TRPM8: variants seen among roughly 807,000 people sequenced by gnomAD.
TRPM8 encodes transient receptor potential cation channel subfamily M member 8.
In TRPM8, 110 loss-of-function variants were observed where a neutral mutation model predicts 133.7. The observed-to-expected ratio is 0.82, with a 90% confidence interval of 0.70 to 0.96. The LOEUF (loss-of-function observed/expected upper bound fraction) is 0.96. Among genes scored for constraint, TRPM8 ranks in the 40% least tolerant of loss-of-function variants. TRPM8 has a pLI of 0.00. For synonymous variants in TRPM8, 535 were observed against 532.3 expected, an observed-to-expected ratio of 1.01 and a Z score of -0.07; for missense variants, 1,291 against 1,379.5, an observed-to-expected ratio of 0.94 and a Z score of 1.02.
At chr2:233,982,934 G>T (rs1195220089) in intron 19 of TRPM8, 119 bp from the exon 20 acceptor site, 4 of 1,091,632 alleles carry the variant, frequency 3.7e-6, no homozygotes, top group African/African-American at 1.6e-5. Context: ...GGGTGACTTA[G>T]ATGCTCTGAG....
intron 24 of TRPM8, among the ~76,000 whole-genome samples, chr2:234,012,606 C>A (rs900595189): frequency 2.4e-4 from 36 of 151,644 alleles, no homozygotes; most frequent in African/African-American, 8.5e-4. Flanking sequence ...TTCTTTTTTT[C>A]TTGTCTGATT....
intron 12 of TRPM8, among the ~76,000 whole-genome samples, chr2:233,961,546 T>C (rs1691438375): frequency 6.6e-6 from 1 of 151,890 alleles, no homozygotes; most frequent in Non-Finnish European, 1.5e-5. Context: ...CCGCGTGATC[T>C]GTCCACCTCG....
At chr2:234,013,948 T>C (rs1289398095) in intron 24 of TRPM8, among the ~76,000 whole-genome samples, 1 of 152,158 alleles carries the variant, frequency 6.6e-6, no homozygotes, top group Non-Finnish European at 1.5e-5. Context: ...ATAAAGCAAA[T>C]TAGAAACCAA....
rs542881906 is a variant in TRPM8, at chr2:233,940,920, G to C, written c.527-1656G>C. On this transcript the variant is annotated intron_variant, in intron 5 of 25. Transcript: ENST00000324695. Reference sequence around the variant, plus strand: ...GAAGTGGAGAAGGAATGAGGTAATTGGTGGTTTTTGCAGGTGTAGTCAGGG... The same window carrying C: ...GAAGTGGAGAAGGAATGAGGTAATTCGTGGTTTTTGCAGGTGTAGTCAGGG... 2.6e-5 allele frequency among the ~76,000 whole-genome samples: 4 copies of C among 152,172 alleles called. No individual in the cohort carries two copies. In the East Asian group the frequency reaches 5.8e-4, roughly 22 times the overall value.
intron 9 of TRPM8, among the ~76,000 whole-genome samples, chr2:233,953,115 A>G (rs1271507189): frequency 6.6e-6 from 1 of 152,156 alleles, no homozygotes; most frequent in African/African-American, 2.4e-5. Context: ...TAAGACCTCC[A>G]TCACCACCTT....
At chr2:233,923,639 C>G (rs756999387) in intron 1 of TRPM8, among the ~76,000 whole-genome samples, 10 of 152,210 alleles carry the variant, frequency 6.6e-5, no homozygotes, top group Non-Finnish European at 1.2e-4. Flanking sequence ...CTTTGCCACA[C>G]TTGATTAGGG....
At chr2:233,976,386 C>A (rs11685673) in intron 17 of TRPM8, among the ~76,000 whole-genome samples, 27,906 of 152,096 alleles carry the variant, frequency 0.18, 3,120 homozygotes, top group Non-Finnish European at 0.25. Flanking sequence ...AGGAGAGGTA[C>A]ATTTTCCTTG....
intron 22 of TRPM8, among the ~76,000 whole-genome samples, chr2:233,997,446 G>A (rs1401890931): frequency 6.6e-6 from 1 of 152,150 alleles, no homozygotes; most frequent in East Asian, 1.9e-4. Flanking sequence ...CCAGCTGTGG[G>A]GACTGACCCT....
In TRPM8 at chr2:233,955,154, C is replaced by A. The variant is rs200879817; in HGVS notation, c.1266C>A (p.Asp422Glu). Residue 422 changes from aspartate to glutamate, a missense_variant, in exon 11 of 26, where the codon GAC becomes GAA. Asp to Glu is a conservative substitution (Grantham distance 45, BLOSUM62 2). This residue lies in a region of TRPM8 where 963 missense variants were observed against 968.9 expected (regional missense o/e 0.99). Coordinates refer to ENST00000324695, the MANE Select transcript of TRPM8 (RefSeq NM_024080.5). Reference protein sequence around the residue: ...LYKAFSTSEQDKDNWNGQLKL... With the variant: ...LYKAFSTSEQEKDNWNGQLKL... ...CAGCCTTCAGCACCAGTGAGCAAGA[C>A]AAGGATAACTGGAATGGGCAGCTGA... The A allele has an allele frequency of 1.2e-6, 2 of 1,614,052 alleles. No homozygotes were observed. Among genetic ancestry groups the A allele is most frequent in the Non-Finnish European group, 1.7e-6 (2 of 1,179,924 alleles).
chr2:233,932,241 T>A (rs1199353318), intron 3 of TRPM8, among the ~76,000 whole-genome samples: 2 of 152,232 alleles, frequency 1.3e-5, no homozygotes, highest in Middle Eastern at 3.2e-3. Context: ...CACCTGTTGT[T>A]CCTGCCCTTC....
chr2:233,921,053 G>T (rs569863039), intron 1 of TRPM8, among the ~76,000 whole-genome samples: 129 of 151,878 alleles, frequency 8.5e-4, no homozygotes, highest in African/African-American at 3.1e-3. Context: ...TAGAGATGGG[G>T]TTTCACCATG....
At chr2:233,979,303 C>A (rs1430420736) in intron 17 of TRPM8, among the ~76,000 whole-genome samples, 1 of 152,166 alleles carries the variant, frequency 6.6e-6, no homozygotes, top group Admixed American at 6.5e-5. Flanking sequence ...TGTTTAACAT[C>A]TGTCTTTCCC....
intron 12 of TRPM8, among the ~76,000 whole-genome samples, chr2:233,962,621 AG>A (rs1286166894): frequency 1.6e-4 from 25 of 152,234 alleles, no homozygotes; most frequent in Admixed American, 4.6e-4. Context: ...AGGTATTTGC[AG>A]GAATTGGAAG....
chr2:233,932,632 C>G (rs1185314678), intron 3 of TRPM8, among the ~76,000 whole-genome samples: 1 of 152,004 alleles, frequency 6.6e-6, no homozygotes, highest in Non-Finnish European at 1.5e-5. Context: ...TTGATTACAG[C>G]TCAAGTCTGG....
chr2:234,000,020 T>C (rs1054213417), intron 22 of TRPM8, among the ~76,000 whole-genome samples: 5 of 152,216 alleles, frequency 3.3e-5, no homozygotes, highest in Non-Finnish European at 7.3e-5. Flanking sequence ...GTGTATGTTT[T>C]CCATCCTTGG....
At chr2:234,005,072 T>G (rs1047985494) in intron 22 of TRPM8, among the ~76,000 whole-genome samples, 1 of 152,250 alleles carries the variant, frequency 6.6e-6, no homozygotes, top group African/African-American at 2.4e-5. Flanking sequence ...CATTCGTTTC[T>G]GAGCACATGA....
At chr2:233,931,125 C>G (rs1691671761) in intron 3 of TRPM8, among the ~76,000 whole-genome samples, 1 of 152,118 alleles carries the variant, frequency 6.6e-6, no homozygotes, top group African/African-American at 2.4e-5. Context: ...CTTTTCTTCC[C>G]TGCTGTTGAC....
At chr2:233,972,542 G>C (rs1163520100) in intron 17 of TRPM8, among the ~76,000 whole-genome samples, 3 of 152,214 alleles carry the variant, frequency 2.0e-5, no homozygotes, top group Admixed American at 6.5e-5. Flanking sequence ...GAGGAGGCTC[G>C]GGCAGCACAG....
intron 3 of TRPM8, among the ~76,000 whole-genome samples, chr2:233,936,528 T>A (rs916659069): frequency 6.6e-6 from 1 of 152,216 alleles, no homozygotes; most frequent in African/African-American, 2.4e-5. Flanking sequence ...AAGGAAAGGA[T>A]GATCTCTCCA....
Sources: gnomAD v4.1 joint callset for allele counts (sites outside exome capture counted in the v4.1 genomes callset) on GRCh38, gnomAD v4.1.1 for gene constraint, gnomAD v4.1.1 regional missense constraint, MANE v1.5 for transcripts, NCBI Gene and HGNC (gene_info 2026-07-23, HGNC 2026-07-21) for gene names.